LRMDA: variants seen among roughly 807,000 people sequenced by gnomAD.
LRMDA encodes the protein leucine-rich melanocyte differentiation-associated protein.
In LRMDA, 18 loss-of-function variants were observed where a neutral mutation model predicts 29.8. The observed-to-expected ratio is 0.60, with a 90% CI of 0.42 to 0.90. The LOEUF is 0.90. LRMDA is among the 40% of genes least tolerant of loss of function. The pLI is 0.00. For missense variants in LRMDA, 273 were observed against 273.9 expected, an observed-to-expected ratio of 1.00 and a Z score of 0.02; for synonymous variants, 125 against 109.4, an observed-to-expected ratio of 1.14 and a Z score of -0.89.
intron 2 of LRMDA, among the ~76,000 whole-genome samples, chr10:75,629,670 A>C (rs1841298852): frequency 6.6e-6 from 1 of 152,198 alleles, no homozygotes; most frequent in African/African-American, 2.4e-5. Flanking sequence ...ATAAGTGTGA[A>C]GTGAATTTTG....
intron 5 of LRMDA, among the ~76,000 whole-genome samples, chr10:76,112,412 C>T (rs774915325): frequency 2.0e-5 from 3 of 152,228 alleles, no homozygotes; most frequent in Non-Finnish European, 4.4e-5. Flanking sequence ...CGCCGGCCCT[C>T]GTCACCCTTC....
chr10:76,045,992 A>T (rs889991459), intron 3 of LRMDA, among the ~76,000 whole-genome samples: 1 of 152,202 alleles, frequency 6.6e-6, no homozygotes, highest in African/African-American at 2.4e-5. Flanking sequence ...ACCTTCTCCT[A>T]GGTTCAAGTG....
intron 2 of LRMDA, among the ~76,000 whole-genome samples, chr10:75,981,296 C>T (rs1013682254): frequency 4.6e-5 from 7 of 152,180 alleles, no homozygotes; most frequent in African/African-American, 1.4e-4. Context: ...ATTCATTCAT[C>T]TAATGTTTAT....
chr10:76,256,745 TA>T (rs1852601115), intron 5 of LRMDA, among the ~76,000 whole-genome samples: 1 of 152,182 alleles, frequency 6.6e-6, no homozygotes, highest in African/African-American at 2.4e-5. Context: ...TTAACACACT[TA>T]AAAGTTTATC....
intron 2 of LRMDA, among the ~76,000 whole-genome samples, chr10:76,019,607 G>A (rs77449575): frequency 0.02 from 3,087 of 152,180 alleles, 50 homozygotes; most frequent in Non-Finnish European, 0.033. Flanking sequence ...AAAGTAACAA[G>A]CAGAATATGA....
intron 2 of LRMDA, among the ~76,000 whole-genome samples, chr10:75,817,492 G>C (rs1412074816): frequency 6.6e-6 from 1 of 152,186 alleles, no homozygotes; most frequent in Non-Finnish European, 1.5e-5. Flanking sequence ...CTGTAGAAAT[G>C]AAGGGGGAAA....
rs575184422 is a variant in LRMDA, at chr10:76,181,121, T to C, written c.516+122338T>C. 2.2e-4 allele frequency among the ~76,000 whole-genome samples: 34 copies of C among 152,346 alleles called. No homozygotes were observed. The South Asian group carries it at 6.6e-3, about 30-fold the overall frequency. On this transcript the variant is annotated intron_variant, in intron 5 of 6. Coordinates refer to ENST00000611255, the MANE Select transcript of LRMDA (RefSeq NM_001305581.2). The stretch of plus-strand genomic sequence containing the variant: ...GACCTGGATCCCCAGCCCATTGGAA[T>C]AGGCTGTTCCCAAGTTTGGGTAAAC...
intron 2 of LRMDA, among the ~76,000 whole-genome samples, chr10:75,832,967 G>A (rs1010659783): frequency 6.6e-6 from 1 of 152,182 alleles, no homozygotes; most frequent in Non-Finnish European, 1.5e-5. Flanking sequence ...AGGACACAGA[G>A]TCAAACCATT....
intron 2 of LRMDA, among the ~76,000 whole-genome samples, chr10:75,932,867 G>C (rs9415135): frequency 0.14 from 20,580 of 152,194 alleles, 1,875 homozygotes; most frequent in South Asian, 0.26. Context: ...TAATGTTGAA[G>C]ATTGTTAGGG....
chr10:76,517,939 C>CAT (rs71024602), intron 6 of LRMDA, among the ~76,000 whole-genome samples: 49,982 of 143,954 alleles, frequency 0.35, 9,004 homozygotes, highest in Middle Eastern at 0.5. Flanking sequence ...TATATATAAA[C>CAT]ATATATATAT....
intron 2 of LRMDA, among the ~76,000 whole-genome samples, chr10:75,680,074 TG>T (rs905694642): frequency 6.6e-6 from 1 of 152,274 alleles, no homozygotes; most frequent in Non-Finnish European, 1.5e-5. Flanking sequence ...TTGGGGGCTT[TG>T]CCCCATTGCA....
chr10:75,973,530 T>C (rs1338541049), intron 2 of LRMDA, among the ~76,000 whole-genome samples: 1 of 151,848 alleles, frequency 6.6e-6, no homozygotes, highest in African/African-American at 2.4e-5. Flanking sequence ...GCGATTCTCC[T>C]GCCTCAGCCT....
chr10:76,008,894 G>T (rs886144847), intron 2 of LRMDA, among the ~76,000 whole-genome samples: 1 of 152,246 alleles, frequency 6.6e-6, no homozygotes, highest in African/African-American at 2.4e-5. Flanking sequence ...CTTTTAAGTG[G>T]AAGAGATTTA....
intron 2 of LRMDA, among the ~76,000 whole-genome samples, chr10:75,540,841 A>G (rs572699994): frequency 1.3e-5 from 2 of 152,304 alleles, no homozygotes; most frequent in South Asian, 4.1e-4. Context: ...TATTGGCTAA[A>G]AAAGTAAAAT....
intron 6 of LRMDA, among the ~76,000 whole-genome samples, chr10:76,331,483 C>G (rs537165305): frequency 4.1e-4 from 63 of 152,138 alleles, no homozygotes; most frequent in African/African-American, 1.3e-3. Context: ...ATTGAAAGTT[C>G]ATAGAAGCAC....
chr10:75,715,239 G>A (rs1842486141), intron 2 of LRMDA, among the ~76,000 whole-genome samples: 2 of 152,048 alleles, frequency 1.3e-5, no homozygotes, highest in Admixed American at 6.5e-5. Context: ...GGACTTTTCA[G>A]TCTTTAAGTT....
chr10:76,031,753 A>C (rs1016332475), intron 2 of LRMDA, among the ~76,000 whole-genome samples: 22 of 152,320 alleles, frequency 1.4e-4, no homozygotes, highest in Non-Finnish European at 1.5e-5. Context: ...AGGGATATTT[A>C]GAGTCGAGGA....
At chr10:75,776,199 A>G (rs1464017672) in intron 2 of LRMDA, among the ~76,000 whole-genome samples, 4 of 152,202 alleles carry the variant, frequency 2.6e-5, no homozygotes, top group African/African-American at 9.7e-5. Flanking sequence ...TTGTGGACCA[A>G]TGATGGAGAA....
intron 2 of LRMDA, among the ~76,000 whole-genome samples, chr10:75,659,894 T>A (rs1047652894): frequency 6.6e-6 from 1 of 152,198 alleles, no homozygotes; most frequent in Non-Finnish European, 1.5e-5. Flanking sequence ...CAAGGCTTCC[T>A]CCTCCATCAT....
Sources: allele counts gnomAD v4.1 joint callset (sites outside exome capture counted in the v4.1 genomes callset), GRCh38; gene constraint gnomAD v4.1.1; transcripts MANE v1.5; gene names NCBI Gene and HGNC (gene_info 2026-07-23, HGNC 2026-07-21).